Variants in DCC observed in about 807,000 individuals in gnomAD.
DCC encodes netrin receptor DCC.
Under a neutral mutation model 172.5 loss-of-function variants are expected in DCC, and 58 were observed. The observed-to-expected ratio is 0.34, with a 90% CI of 0.27 to 0.42. DCC has a LOEUF of 0.42. DCC is among the 10% of genes least tolerant of loss of function. The probability of loss-of-function intolerance (pLI) is 1.00; values close to 1 mark genes in which losing one functional copy is unlikely to be tolerated. For synonymous variants in DCC, 709 were observed against 644.5 expected, an observed-to-expected ratio of 1.10 and a Z score of -1.52; for missense variants, 1,740 against 1,791.0, an observed-to-expected ratio of 0.97 and a Z score of 0.51.
rs1402512310 is a variant in DCC, at chr18:52,955,153, C to G, written c.985+29783C>G. On this transcript the variant is annotated intron_variant, in intron 5 of 28. Transcript: ENST00000442544. Reference sequence around the variant, plus strand: ...TGGCAAAGATATAATGACAAGTATCCATTATAGCATCATGCATGATAGTTT... The same window carrying G: ...TGGCAAAGATATAATGACAAGTATCGATTATAGCATCATGCATGATAGTTT... Among the ~76,000 whole-genome samples, 13 of 152,186 alleles carry G rather than the reference C, an allele frequency of 8.5e-5. No individual in the cohort carries two copies. The South Asian group carries it at 2.7e-3, about 32-fold the overall frequency.
At chr18:53,374,792 T>C (rs1052620801) in intron 15 of DCC, among the ~76,000 whole-genome samples, 1 of 152,172 alleles carries the variant, frequency 6.6e-6, no homozygotes, top group Non-Finnish European at 1.5e-5. Flanking sequence ...TATATTAACA[T>C]ACTGTGATGT....
At chr18:53,222,625 A>T (rs2055958872) in intron 12 of DCC, among the ~76,000 whole-genome samples, 1 of 151,556 alleles carries the variant, frequency 6.6e-6, no homozygotes, top group East Asian at 1.9e-4. Flanking sequence ...TGACCTCGTG[A>T]TCTGCCCGCC....
chr18:52,584,280 A>G (rs545244454), intron 1 of DCC, among the ~76,000 whole-genome samples: 37 of 152,236 alleles, frequency 2.4e-4, no homozygotes, highest in Non-Finnish European at 5.1e-4. Flanking sequence ...TTATGAGGAC[A>G]GAGATTTGTC....
intron 2 of DCC, among the ~76,000 whole-genome samples, chr18:52,888,784 G>A (rs1207685196): frequency 6.6e-6 from 1 of 152,014 alleles, no homozygotes; most frequent in Admixed American, 6.6e-5. Context: ...AAGAAAACAT[G>A]TGAAGCAAAT....
intron 5 of DCC, among the ~76,000 whole-genome samples, chr18:53,008,996 G>GGT (rs2041687324): frequency 6.6e-6 from 1 of 151,850 alleles, no homozygotes; most frequent in Non-Finnish European, 1.5e-5. Context: ...GTAAAAAGTA[G>GGT]ACCTGAACAT....
intron 1 of DCC, among the ~76,000 whole-genome samples, chr18:52,430,757 G>A (rs1403140479): frequency 3.9e-5 from 6 of 152,140 alleles, no homozygotes; most frequent in Non-Finnish European, 7.4e-5. Flanking sequence ...AGTTGTTTAG[G>A]AAGAAATAAA....
intron 5 of DCC, among the ~76,000 whole-genome samples, chr18:52,988,587 T>G (rs1032407237): frequency 3.3e-5 from 5 of 152,080 alleles, no homozygotes; most frequent in Admixed American, 6.6e-5. Context: ...TCCATTGTTT[T>G]AAAAAAACAT....
At chr18:53,253,237 G>T (rs73957129) in intron 12 of DCC, among the ~76,000 whole-genome samples, 1 of 151,750 alleles carries the variant, frequency 6.6e-6, no homozygotes, top group African/African-American at 2.4e-5. Context: ...TGAAGTTTCC[G>T]TCCACCCCCT....
At chr18:52,784,731 A>T (rs936599679) in intron 2 of DCC, among the ~76,000 whole-genome samples, 2 of 151,988 alleles carry the variant, frequency 1.3e-5, no homozygotes, top group Non-Finnish European at 2.9e-5. Context: ...ATGTCTATTC[A>T]GATCGTTTAC....
chr18:53,473,394 C>T (rs2045722477), intron 25 of DCC, among the ~76,000 whole-genome samples: 1 of 152,172 alleles, frequency 6.6e-6, no homozygotes, highest in South Asian at 2.1e-4. Flanking sequence ...TATTAAAATG[C>T]CTTCCTTATG....
rs998365737 is a variant in DCC at position 53,091,463 on chromosome 18, G to A, written c.1261+25297G>A. Among the ~76,000 whole-genome samples, 9 of 150,770 alleles carry A rather than the reference G, an allele frequency of 6.0e-5. No homozygotes were observed. The East Asian group carries it at 1.6e-3, about 26-fold the overall frequency. ...CATAATAATATGCTTTAGACTGAGT[G>A]GCTTATGCACAACATAAATTTATTT... On this transcript the variant is annotated intron_variant, in intron 7 of 28. Coordinates refer to ENST00000442544, the MANE Select transcript of DCC (RefSeq NM_005215.4).
At chr18:52,667,201 A>G (rs1021548528) in intron 1 of DCC, among the ~76,000 whole-genome samples, 4 of 152,188 alleles carry the variant, frequency 2.6e-5, no homozygotes, top group Non-Finnish European at 4.4e-5. Flanking sequence ...GCTTCAGCCT[A>G]GCAGCCTTCC....
intron 14 of DCC, among the ~76,000 whole-genome samples, chr18:53,337,380 C>T (rs150427202): frequency 6.6e-6 from 1 of 152,204 alleles, no homozygotes; most frequent in Non-Finnish European, 1.5e-5. Flanking sequence ...ACAGAACTGA[C>T]TGAGAGTCCA....
At chr18:52,950,361 T>C (rs575304873) in intron 5 of DCC, among the ~76,000 whole-genome samples, 6 of 152,342 alleles carry the variant, frequency 3.9e-5, no homozygotes, top group African/African-American at 1.4e-4. Context: ...GGCTGACTCA[T>C]CTTTCCTTGT....
chr18:52,843,876 G>A (rs2038844782), intron 2 of DCC, among the ~76,000 whole-genome samples: 1 of 152,130 alleles, frequency 6.6e-6, no homozygotes, highest in South Asian at 2.1e-4. Flanking sequence ...ATGTAGGGAA[G>A]AGGGGACCCA....
At chr18:53,259,342 C>G (rs540064161) in intron 12 of DCC, among the ~76,000 whole-genome samples, 1 of 152,278 alleles carries the variant, frequency 6.6e-6, no homozygotes, top group Non-Finnish European at 1.5e-5. Context: ...TTTGCAGTGT[C>G]TGGTACCAGT....
At chr18:52,636,390 A>AGAACCAAAG (rs61157284) in intron 1 of DCC, among the ~76,000 whole-genome samples, 1 of 152,142 alleles carries the variant, frequency 6.6e-6, no homozygotes. Flanking sequence ...AGGCAGGGGA[A>AGAACCAAAG]AACCAAGCCC....
intron 15 of DCC, among the ~76,000 whole-genome samples, chr18:53,348,796 T>G (rs1320327616): frequency 1.3e-5 from 2 of 151,950 alleles, no homozygotes; most frequent in Non-Finnish European, 2.9e-5. Context: ...ATGGCAGGAG[T>G]GGCTGGAACA....
chr18:52,715,413 C>T (rs765965337), intron 1 of DCC, among the ~76,000 whole-genome samples: 2 of 151,744 alleles, frequency 1.3e-5, no homozygotes, highest in African/African-American at 2.4e-5. Context: ...GATTCTTGTG[C>T]CTCAGCCTCT....
Sources: gnomAD v4.1 joint callset for allele counts (sites outside exome capture counted in the v4.1 genomes callset) on GRCh38, gnomAD v4.1.1 for gene constraint, MANE v1.5 for transcripts, NCBI Gene and HGNC (gene_info 2026-07-23, HGNC 2026-07-21) for gene names.